Variants in B4GALT6 observed in about 807,000 individuals in gnomAD.
B4GALT6 encodes the protein UDP-Gal:beta-GlcNAc beta-1,4-galactosyltransferase 6.
In B4GALT6, 14 loss-of-function variants were observed where a neutral mutation model predicts 46.3. That is an observed-to-expected ratio of 0.30 (90% CI 0.20 to 0.47). B4GALT6 has a LOEUF of 0.47. Among genes scored for constraint, B4GALT6 ranks in the 20% least tolerant of loss-of-function variants. The pLI is 0.99. For missense variants in B4GALT6, 386 were observed against 480.1 expected, an observed-to-expected ratio of 0.80 and a Z score of 1.83; for synonymous variants, 168 against 162.0, an observed-to-expected ratio of 1.04 and a Z score of -0.28.
At chr18:31,695,949 G>A in the B4GALT6 span, among the ~76,000 whole-genome samples, 2 of 152,114 alleles carry the variant, frequency 1.3e-5, no homozygotes, top group Non-Finnish European at 1.5e-5. Context: ...GGAAGAAAAA[G>A]AACATGACAT....
the B4GALT6 span, among the ~76,000 whole-genome samples, chr18:31,695,352 A>T: frequency 6.6e-6 from 1 of 152,012 alleles, no homozygotes; most frequent in South Asian, 2.1e-4. Context: ...ATAATTATGT[A>T]TGAAGAAAGC....
chr18:31,656,178 T>C (rs2074136173), intron 3 of B4GALT6, among the ~76,000 whole-genome samples: 2 of 152,310 alleles, frequency 1.3e-5, no homozygotes, highest in African/African-American at 2.4e-5. Context: ...TTATTATTGA[T>C]ATATAATATC....
At chr18:31,668,066 C>T (rs1005703098) in intron 1 of B4GALT6, among the ~76,000 whole-genome samples, 13 of 148,862 alleles carry the variant, frequency 8.7e-5, no homozygotes, top group African/African-American at 3.2e-4. Context: ...CACTGCACTC[C>T]AGCCTGGGCG....
chr18:31,645,916 G>A (rs2073985887), intron 3 of B4GALT6, among the ~76,000 whole-genome samples: 1 of 152,146 alleles, frequency 6.6e-6, no homozygotes, highest in Non-Finnish European at 1.5e-5. Context: ...ACTGGGAACT[G>A]ATTCCTAGCT....
At chr18:31,669,313 T>C (rs2074322457) in intron 1 of B4GALT6, among the ~76,000 whole-genome samples, 1 of 152,206 alleles carries the variant, frequency 6.6e-6, no homozygotes, top group African/African-American at 2.4e-5. Flanking sequence ...AAACATGTCA[T>C]CCTTGTGCAG....
chr18:31,703,933 T>C, the B4GALT6 span, among the ~76,000 whole-genome samples: 4,871 of 152,300 alleles, frequency 0.032, 106 homozygotes, highest in East Asian at 0.098. Flanking sequence ...CAGTGCTTTA[T>C]GATTCAGAAG....
At chr18:31,641,598 T>C (rs1477567137) in intron 4 of B4GALT6, among the ~76,000 whole-genome samples, 1 of 152,206 alleles carries the variant, frequency 6.6e-6, no homozygotes, top group African/African-American at 2.4e-5. Context: ...TTTCAGGACA[T>C]TCTTCTATGT....
chr18:31,709,553 A>ATATGTG, the B4GALT6 span, among the ~76,000 whole-genome samples: 2 of 126,794 alleles, frequency 1.6e-5, no homozygotes, highest in Non-Finnish European at 1.6e-5. Flanking sequence ...TAGGATATAT[A>ATATGTG]TGTGTGTGTG....
At chr18:31,645,593 T>A (rs2144584395) in intron 3 of B4GALT6, 114 bp from the exon 4 acceptor site, 1 of 994,388 alleles carries the variant, frequency 1.0e-6, no homozygotes, top group South Asian at 1.8e-5. Flanking sequence ...ACAATACAGT[T>A]TACTCCTGTT....
chr18:31,667,002 C>A (rs1388835290), intron 1 of B4GALT6, among the ~76,000 whole-genome samples: 1 of 152,164 alleles, frequency 6.6e-6, no homozygotes, highest in African/African-American at 2.4e-5. Context: ...ATTTTTAAAG[C>A]AGCTCAATTT....
chr18:31,681,421 G>GTGTC (rs945200790), intron 1 of B4GALT6, among the ~76,000 whole-genome samples: 1 of 152,184 alleles, frequency 6.6e-6, no homozygotes, highest in African/African-American at 2.4e-5. Flanking sequence ...GATGGGGCAG[G>GTGTC]TGTCTGCCAT....
At chr18:31,658,904 C>T (rs1021465695) in intron 2 of B4GALT6, among the ~76,000 whole-genome samples, 2 of 152,156 alleles carry the variant, frequency 1.3e-5, no homozygotes, top group African/African-American at 4.8e-5. Context: ...GAGATGAGCA[C>T]CTGACCCACG....
At chr18:31,670,766 A>G (rs1014990321) in intron 1 of B4GALT6, among the ~76,000 whole-genome samples, 1 of 151,496 alleles carries the variant, frequency 6.6e-6, no homozygotes, top group African/African-American at 2.4e-5. Flanking sequence ...TCTTTTTTTT[A>G]TTATTATACT....
chr18:31,655,168 C>A (rs2074122182), intron 3 of B4GALT6, among the ~76,000 whole-genome samples: 1 of 152,240 alleles, frequency 6.6e-6, no homozygotes, highest in Admixed American at 6.5e-5. Context: ...GTGAAGTGCT[C>A]TGTCGGGCAG....
chr18:31,637,718 A>C (rs1291588565), intron 5 of B4GALT6, among the ~76,000 whole-genome samples: 2 of 152,226 alleles, frequency 1.3e-5, no homozygotes, highest in African/African-American at 4.8e-5. Flanking sequence ...TGTGTTAAAA[A>C]AAGAAAAAAA....
At chr18:31,631,565 GTA>G (rs1414235894) in intron 5 of B4GALT6, among the ~76,000 whole-genome samples, 1 of 151,840 alleles carries the variant, frequency 6.6e-6, no homozygotes, top group Non-Finnish European at 1.5e-5. Context: ...TAAATAATTT[GTA>G]TTTCTGCTCT....
intron 1 of B4GALT6, among the ~76,000 whole-genome samples, chr18:31,668,304 A>G (rs2074306845): frequency 6.6e-6 from 1 of 152,146 alleles, no homozygotes; most frequent in African/African-American, 2.4e-5. Context: ...ACTGGGGACT[A>G]CTACAAGAGG....
upstream of B4GALT6, among the ~76,000 whole-genome samples, chr18:31,688,874 T>C (rs1288006759): frequency 6.6e-6 from 1 of 152,174 alleles, no homozygotes; most frequent in African/African-American, 2.4e-5. Flanking sequence ...CACCAGCTCT[T>C]ATCTTCACAC....
At chr18:31,711,250 A>G in the B4GALT6 span, among the ~76,000 whole-genome samples, 1 of 152,144 alleles carries the variant, frequency 6.6e-6, no homozygotes, top group East Asian at 1.9e-4. Context: ...TCATTCTTTT[A>G]TTTTAAATTT....
Sources: allele counts gnomAD v4.1 joint callset (sites outside exome capture counted in the v4.1 genomes callset), GRCh38; gene constraint gnomAD v4.1.1; transcripts MANE v1.5; gene names NCBI Gene and HGNC (gene_info 2026-07-23, HGNC 2026-07-21).